The following EGFL6 variants were observed in gnomAD, a reference collection of about 807,000 sequenced individuals.
EGFL6 encodes the protein epidermal growth factor-like protein 6.
In EGFL6, 42 loss-of-function variants were observed where a neutral mutation model predicts 43.1. The ratio of observed to expected loss-of-function variants is 0.98; its 90% CI spans 0.76 to 1.26. The LOEUF (loss-of-function observed/expected upper bound fraction) is 1.26, where lower values mean the gene tolerates loss of function less well. EGFL6 is among the 50% of genes most tolerant of loss of function. The pLI is 0.00. For missense variants in EGFL6, 429 were observed against 427.8 expected, an observed-to-expected ratio of 1.00 and a Z score of -0.02; for synonymous variants, 164 against 163.2, an observed-to-expected ratio of 1.01 and a Z score of -0.04.
intron 10 of EGFL6, among the ~76,000 whole-genome samples, chrX:13,626,110 GA>G (rs761650946): frequency 2.7e-5 from 3 of 110,840 alleles, no homozygotes; most frequent in Non-Finnish European, 5.7e-5. Context: ...GTATGTCTTG[GA>G]CATGTACTTT....
At chrX:13,631,964 A>T (rs988192998) in intron 11 of EGFL6, among the ~76,000 whole-genome samples, 41 of 111,292 alleles carry the variant, frequency 3.7e-4, no homozygotes, top group African/African-American at 9.4e-4. Flanking sequence ...TTTGAAGATA[A>T]TTTTTTTAGT....
intron 1 of EGFL6, among the ~76,000 whole-genome samples, chrX:13,586,864 G>A (rs1030137391): frequency 8.9e-6 from 1 of 112,243 alleles, no homozygotes; most frequent in African/African-American, 3.2e-5. Flanking sequence ...ATAAAATGTG[G>A]TATATCCATA....
chrX:13,578,926 AAAAT>A (rs780769931), intron 1 of EGFL6, among the ~76,000 whole-genome samples: 69 of 111,764 alleles, frequency 6.2e-4, no homozygotes, highest in African/African-American at 1.7e-3. Context: ...AAGTATAATA[AAAAT>A]AAATAAATAA....
In EGFL6 at chrX:13,569,638, G is replaced by A. The variant is rs2045427466; in HGVS notation, c.-224G>A. ...CAGCTTCATCCGCAGAGGAGCCTCG[G>A]CCAGGCTTGCCAGGGCGCCCCCAGC... On this transcript the variant is annotated 5_prime_UTR_variant, in exon 1 of 12. Coordinates refer to ENST00000361306, the MANE Select transcript of EGFL6 (RefSeq NM_015507.4). 14 of 390,699 alleles carry A rather than the reference G, an allele frequency of 3.6e-5. No individual in the cohort carries two copies. The South Asian group carries it at 5.9e-4, about 17-fold the overall frequency. The allele number at this position is 390,699 out of a possible 1,213,427, so 32.2% of individuals were successfully genotyped here. A position where few individuals can be genotyped will look rare whatever the true frequency, so the allele number is the denominator to read the frequency against.
chrX:13,594,765 C>A (rs867799948), intron 2 of EGFL6, 71 bp from the exon 3 acceptor site: 10 of 985,029 alleles, frequency 1.0e-5, no homozygotes, highest in African/African-American at 1.9e-5. Context: ...CAGAACGCAG[C>A]GAAGTTTTGC....
At chrX:13,584,832 G>A (rs189847343) in intron 1 of EGFL6, among the ~76,000 whole-genome samples, 228 of 111,605 alleles carry the variant, frequency 2.0e-3, no homozygotes, top group Middle Eastern at 4.7e-3. Context: ...TTGAATGAAT[G>A]AATGAATGAA....
intron 4 of EGFL6, 72 bp from the exon 5 acceptor site, chrX:13,603,245 T>C: frequency 9.3e-7 from 1 of 1,077,851 alleles, no homozygotes; most frequent in Admixed American, 3.0e-5. Context: ...GCTCAGAATT[T>C]GGTGATAGTT....
chrX:13,623,401 A>T (rs1416258525), intron 9 of EGFL6, among the ~76,000 whole-genome samples: 2 of 16,392 alleles, frequency 1.2e-4, no homozygotes, highest in African/African-American at 4.8e-4. Flanking sequence ...TTTTTTTGAG[A>T]CAGAGTCTCA....
At chrX:13,582,608 C>G (rs1293311754) in intron 1 of EGFL6, among the ~76,000 whole-genome samples, 1 of 111,168 alleles carries the variant, frequency 9.0e-6, no homozygotes, top group Non-Finnish European at 1.9e-5. Flanking sequence ...ACATCAAAAA[C>G]AATGATTTGG....
chrX:13,614,313 T>C (rs2045707154), intron 7 of EGFL6, among the ~76,000 whole-genome samples: 1 of 111,746 alleles, frequency 8.9e-6, no homozygotes, highest in Non-Finnish European at 1.9e-5. Context: ...CTCTCTTGGC[T>C]CATCTTTTGT....
chrX:13,582,243 A>G (rs1340604007), intron 1 of EGFL6, among the ~76,000 whole-genome samples: 1 of 109,005 alleles, frequency 9.2e-6, no homozygotes, highest in Non-Finnish European at 1.9e-5. Context: ...TTGTATTTTT[A>G]GTAGAGACGG....
rs981765685 is a variant in EGFL6, at chrX:13,633,570, T to C, written c.*475T>C. 5.3e-5 allele frequency: 6 copies of C among 112,776 alleles called. No homozygotes were observed. The highest frequency in any genetic ancestry group is 1.9e-4 in the African/African-American group (6 of 31,031). The allele number at this position is 112,776 out of a possible 1,213,427, so 9.3% of individuals were successfully genotyped here. A position where few individuals can be genotyped will look rare whatever the true frequency, so the allele number is the denominator to read the frequency against. ...ATTCTTTGTAATAATAATATCCAAA[T>C]CATCATCTTGTGTCATGGTTTAATT... On this transcript the variant is annotated 3_prime_UTR_variant, in exon 12 of 12. Transcript: ENST00000361306.
chrX:13,597,645 G>A (rs181642612), intron 3 of EGFL6, among the ~76,000 whole-genome samples: 9 of 111,426 alleles, frequency 8.1e-5, no homozygotes, highest in Non-Finnish European at 1.5e-4. Flanking sequence ...TTAGCCAGGC[G>A]TGGTGGCGAA....
intron 11 of EGFL6, among the ~76,000 whole-genome samples, chrX:13,628,970 A>C (rs886619482): frequency 8.8e-6 from 1 of 113,009 alleles, no homozygotes; most frequent in African/African-American, 3.2e-5. Flanking sequence ...AAAGATGACT[A>C]ATGCAAATTT....
At chrX:13,626,039 A>C (rs1232648882) in intron 10 of EGFL6, among the ~76,000 whole-genome samples, 2 of 111,930 alleles carry the variant, frequency 1.8e-5, no homozygotes, top group African/African-American at 3.3e-5. Flanking sequence ...AGCGTAGCTG[A>C]AAGAGATGCC....
At chrX:13,595,652 T>C (rs986960046) in intron 3 of EGFL6, among the ~76,000 whole-genome samples, 5 of 112,252 alleles carry the variant, frequency 4.5e-5, no homozygotes, top group African/African-American at 1.6e-4. Flanking sequence ...TGAATATTTT[T>C]GTAGGAAAAA....
In EGFL6 at chrX:13,582,223, G is replaced by A. The variant is rs147564525; in HGVS notation, c.75-7333G>A. 6.0e-3 allele frequency among the ~76,000 whole-genome samples: 658 copies of A among 109,095 alleles called. 5 individuals carry two copies. The highest frequency in any genetic ancestry group is 0.021 in the African/African-American group (627 of 29,879). The allele number at this position is 109,095 out of a possible 115,157, so 94.7% of individuals were successfully genotyped here. On this transcript the variant is annotated intron_variant, in intron 1 of 11. Transcript: ENST00000361306. ...GACTACAGGCCCTGCTACCATGCCCGGCTAATTTTTTGTATTTTTAGTAGA... is the reference window on the plus strand; with the variant it reads ...GACTACAGGCCCTGCTACCATGCCCAGCTAATTTTTTGTATTTTTAGTAGA...
chrX:13,593,446 G>C (rs189494457), intron 2 of EGFL6, among the ~76,000 whole-genome samples: 99 of 111,698 alleles, frequency 8.9e-4, no homozygotes, highest in Non-Finnish European at 1.4e-3. Context: ...GGGAGTGAGG[G>C]AGCATGGGAA....
rs921319364 is a variant in EGFL6 at position 13,623,934 on chromosome X, A to G, written c.1285+9A>G. On this transcript the variant is annotated intron_variant, in intron 10 of 11. Coordinates refer to ENST00000361306, the MANE Select transcript of EGFL6 (RefSeq NM_015507.4). Reference sequence around the variant, plus strand: ...TGCTGATCGAGATAATGGTATTTATATTTGACAGTTTCATGTTCTGCAATA... The same window carrying G: ...TGCTGATCGAGATAATGGTATTTATGTTTGACAGTTTCATGTTCTGCAATA... The G allele has an allele frequency of 1.7e-5, 20 of 1,159,435 alleles. No individual in the cohort carries two copies. The highest frequency in any genetic ancestry group is 2.4e-5 in the Non-Finnish European group (20 of 849,925).
Sources: allele counts gnomAD v4.1 joint callset (sites outside exome capture counted in the v4.1 genomes callset), GRCh38; gene constraint gnomAD v4.1.1; transcripts MANE v1.5; gene names NCBI Gene and HGNC (gene_info 2026-07-23, HGNC 2026-07-21).